ADAMTS6: variants seen among roughly 807,000 people sequenced by gnomAD.
ADAMTS6 encodes the protein ADAM metallopeptidase with thrombospondin type 1 motif 6.
Under a neutral mutation model 144.3 loss-of-function variants are expected in ADAMTS6, and 23 were observed. The ratio of observed to expected loss-of-function variants is 0.16; its 90% CI spans 0.11 to 0.23. The LOEUF (loss-of-function observed/expected upper bound fraction) is 0.23. Among genes scored for constraint, ADAMTS6 ranks in the 10% least tolerant of loss-of-function variants. The probability of loss-of-function intolerance (pLI) is 1.00; values close to 1 mark genes in which losing one functional copy is unlikely to be tolerated. For synonymous variants in ADAMTS6, 444 were observed against 457.5 expected (o/e 0.97, Z 0.38); for missense variants, 999 against 1,379.6 (o/e 0.72, Z 4.37).
At chr5:65,299,195 A>G (rs1435264893) in intron 10 of ADAMTS6, among the ~76,000 whole-genome samples, 1 of 152,154 alleles carries the variant, frequency 6.6e-6, no homozygotes, top group Admixed American at 6.6e-5. Context: ...TGTATTTTAT[A>G]TACATTATAG....
chr5:65,351,987 C>G (rs1040180512), intron 7 of ADAMTS6, among the ~76,000 whole-genome samples: 2 of 152,096 alleles, frequency 1.3e-5, no homozygotes, highest in African/African-American at 4.8e-5. Context: ...ATATAGCATA[C>G]ATAGTTCAGA....
intron 7 of ADAMTS6, among the ~76,000 whole-genome samples, chr5:65,337,443 T>C (rs1747410979): frequency 6.6e-6 from 1 of 152,130 alleles, no homozygotes; most frequent in Admixed American, 6.5e-5. Context: ...TTCTTCTTCA[T>C]GTATAAATTC....
intron 21 of ADAMTS6, among the ~76,000 whole-genome samples, chr5:65,196,093 T>G (rs1368769184): frequency 6.6e-6 from 1 of 152,210 alleles, no homozygotes; most frequent in Non-Finnish European, 1.5e-5. Flanking sequence ...TATTGCTGCA[T>G]TAATCAACAG....
intron 11 of ADAMTS6, among the ~76,000 whole-genome samples, chr5:65,276,534 T>C (rs1388810416): frequency 1.3e-5 from 2 of 152,218 alleles, no homozygotes; most frequent in African/African-American, 4.8e-5. Flanking sequence ...GAAAATTTCA[T>C]TTCATACCAA....
intron 15 of ADAMTS6, among the ~76,000 whole-genome samples, chr5:65,240,094 C>T (rs1759042188): frequency 6.6e-6 from 1 of 152,082 alleles, no homozygotes; most frequent in African/African-American, 2.4e-5. Flanking sequence ...AAACTAGAAA[C>T]AACCCAGGTG....
intron 7 of ADAMTS6, among the ~76,000 whole-genome samples, chr5:65,426,016 G>T (rs1364091783): frequency 2.0e-5 from 3 of 151,270 alleles, no homozygotes; most frequent in Non-Finnish European, 4.4e-5. Context: ...CTCCCAAAGT[G>T]CTGGGATTAC....
chr5:65,329,596 C>T (rs935807416), intron 8 of ADAMTS6, 113 bp from the exon 9 acceptor site: 3 of 838,976 alleles, frequency 3.6e-6, no homozygotes, highest in Middle Eastern at 2.4e-4. Flanking sequence ...CAGAAGGAGC[C>T]GTTGGCAAAA....
chr5:65,406,916 G>A (rs950983591), intron 7 of ADAMTS6, among the ~76,000 whole-genome samples: 2 of 152,086 alleles, frequency 1.3e-5, no homozygotes, highest in Non-Finnish European at 2.9e-5. Context: ...GAAATGAAGC[G>A]AGAAGAGAAG....
intron 9 of ADAMTS6, among the ~76,000 whole-genome samples, chr5:65,321,708 C>CTTTTTTTTTTTT (rs529236363): frequency 2.9e-4 from 23 of 78,886 alleles, no homozygotes; most frequent in Non-Finnish European, 4.4e-4. Context: ...TTTTCTTTTC[C>CTTTTTTTTTTTT]TTTTTTTTTT....
At position 65,214,508 on chromosome 5, in the gene ADAMTS6, C is replaced by T. The variant is rs151122694; in HGVS notation, c.2575+286G>A. ...ATGTTCTTTACCAAGAATGTGTTCACGAAAGGCAAACAGCCCACCTTCAAG... is the reference window on the plus strand; with the variant it reads ...ATGTTCTTTACCAAGAATGTGTTCATGAAAGGCAAACAGCCCACCTTCAAG... On this transcript the variant is annotated intron_variant, in intron 20 of 24. Coordinates refer to ENST00000381055, the MANE Select transcript of ADAMTS6 (RefSeq NM_197941.4). This position sits in a 1 kb window ranked among gnomAD's most constrained non-coding sequence, Gnocchi z 4.6. 4.3e-5 allele frequency: 20 copies of T among 468,570 alleles called. No individual in the cohort carries two copies. The highest frequency in any genetic ancestry group is 1.3e-4 in the East Asian group (3 of 23,312). 29.0% of individuals were successfully genotyped at this position (468,570 alleles called of 1,614,324 possible).
At chr5:65,262,985 C>T (rs1308867398) in intron 12 of ADAMTS6, 23 bp from the exon 13 acceptor site, 1 of 1,613,376 alleles carries the variant, frequency 6.2e-7, no homozygotes, top group East Asian at 2.2e-5. Context: ...ACAGAAAACA[C>T]AGAATTAGCT....
Position 65,300,144 on chromosome 5 carries a change from G to A in ADAMTS6, c.1224-13C>T. 1.2e-6 allele frequency: 2 copies of A among 1,606,590 alleles called. No homozygotes were observed. Among genetic ancestry groups the A allele is most frequent in the East Asian group, 2.2e-5 (1 of 44,782 alleles). ...GTTCATACCAAAACTGTTTTAATGA[G>A]GAAGAAACATAGAATAAATAAATAA... On this transcript the variant is annotated splice_polypyrimidine_tract_variant and intron_variant, in intron 9 of 24. Transcript: ENST00000381055.
chr5:65,307,788 A>G (rs967055908), intron 9 of ADAMTS6, among the ~76,000 whole-genome samples: 1 of 152,162 alleles, frequency 6.6e-6, no homozygotes, highest in Non-Finnish European at 1.5e-5. Flanking sequence ...TTTCTTGTGA[A>G]CAAGACACTC....
intron 7 of ADAMTS6, among the ~76,000 whole-genome samples, chr5:65,349,615 G>A (rs1053173609): frequency 9.9e-5 from 15 of 152,082 alleles, no homozygotes; most frequent in African/African-American, 3.4e-4. Flanking sequence ...AGCACTTTGG[G>A]AGGCCGAGGT....
At chr5:65,455,510 C>G (rs1459311928) in intron 4 of ADAMTS6, among the ~76,000 whole-genome samples, 1 of 152,070 alleles carries the variant, frequency 6.6e-6, no homozygotes, top group African/African-American at 2.4e-5. Flanking sequence ...CCACTGCACT[C>G]TAGCCTGGGC....
At chr5:65,275,772 A>G (rs1263187488) in intron 11 of ADAMTS6, among the ~76,000 whole-genome samples, 4 of 152,030 alleles carry the variant, frequency 2.6e-5, no homozygotes, top group African/African-American at 9.6e-5. Flanking sequence ...TTTAAAAAGC[A>G]GTAAGAGTAA....
At chr5:65,326,925 TG>T (rs1440180548) in intron 9 of ADAMTS6, among the ~76,000 whole-genome samples, 8 of 152,282 alleles carry the variant, frequency 5.3e-5, no homozygotes, top group Admixed American at 3.3e-4. Context: ...TTTGACATAT[TG>T]AAAAAAATAG....
In ADAMTS6 at chr5:65,471,103, A is replaced by G; in HGVS notation, c.137T>C (p.Ile46Thr). The change falls in exon 3 of 25, where the codon ATT becomes ACT. Residue 46 changes from isoleucine (I) to threonine (T), a missense_variant. By Grantham distance (89) the Ile-to-Thr change is moderately conservative. Around this residue, in one of 3 missense-constraint regions of ADAMTS6, gnomAD observed 252 missense variants for 293.7 expected, o/e 0.86. Transcript: ENST00000381055. The part of the protein sequence containing the change: ...LTYLEHYQLT[I>T]PIRVDQNGAF... The stretch of plus-strand genomic sequence containing the variant: ...TCCATTTTGATCAACCCTTATTGGA[A>G]TAGTTAGCTGGTAGTGTTCAAGATA... 6.2e-7 allele frequency: 1 copy of G among 1,608,340 alleles called. No homozygotes were observed. Among genetic ancestry groups the G allele is most frequent in the Non-Finnish European group, 8.5e-7 (1 of 1,178,044 alleles).
intron 24 of ADAMTS6, among the ~76,000 whole-genome samples, chr5:65,161,328 G>A (rs533938562): frequency 2.3e-4 from 35 of 151,432 alleles, no homozygotes; most frequent in Admixed American, 1.0e-3. Context: ...GTGAGCCACC[G>A]TGCCCGGCCT....
Sources: gnomAD v4.1 joint callset for allele counts (sites outside exome capture counted in the v4.1 genomes callset) on GRCh38, gnomAD v4.1.1 for gene constraint, gnomAD v4.1.1 regional missense constraint, Gnocchi (gnomAD v3.1) non-coding constraint, MANE v1.5 for transcripts, NCBI Gene and HGNC (gene_info 2026-07-23, HGNC 2026-07-21) for gene names.